The following MYB variants were observed in gnomAD, a reference collection of about 807,000 sequenced individuals.
MYB encodes the protein MYB proto-oncogene, transcription factor, also known as transcriptional activator Myb.
In MYB, 28 loss-of-function variants were observed where a neutral mutation model predicts 92.9. That is an observed-to-expected ratio of 0.30 (90% CI 0.22 to 0.41). The LOEUF is 0.41. Among genes scored for constraint, MYB ranks in the 10% least tolerant of loss-of-function variants. MYB has a pLI of 1.00. For synonymous variants in MYB, 295 were observed against 329.1 expected, an observed-to-expected ratio of 0.90 and a Z score of 1.12; for missense variants, 679 against 929.3, an observed-to-expected ratio of 0.73 and a Z score of 3.50.
intron 8 of MYB, chr6:135,195,350 G>T (rs1777159161): frequency 5.9e-6 from 1 of 169,284 alleles, no homozygotes; most frequent in Non-Finnish European, 1.2e-5. Context: ...TCTAACTCCT[G>T]AGTCCTCTAG....
rs1413856237 is a variant in MYB, at chr6:135,200,216, T to C, written c.1824+17T>C. 6.2e-7 allele frequency: 1 copy of C among 1,613,926 alleles called. No homozygotes were observed. Among genetic ancestry groups the C allele is most frequent in the South Asian group, 1.1e-5 (1 of 91,076 alleles). ...AAGATGCTAGTAAGTTCTAGAAAAG[T>C]TTTTGGATTTCATTGGTTTATTAGT... On this transcript the variant is annotated intron_variant, in intron 12 of 15. Coordinates refer to ENST00000341911, the MANE Select transcript of MYB (RefSeq NM_001130173.2).
At chr6:135,203,619 G>A in intron 15 of MYB, 1 of 943,178 alleles carries the variant, frequency 1.1e-6, no homozygotes, top group Non-Finnish European at 1.6e-6. Flanking sequence ...TTACACGTGT[G>A]TCACTATCTT....
At chr6:135,209,383 A>G (rs1416873667) in intron 15 of MYB, among the ~76,000 whole-genome samples, 1 of 152,084 alleles carries the variant, frequency 6.6e-6, no homozygotes, top group African/African-American at 2.4e-5. Flanking sequence ...ACAGGCACCC[A>G]CCACCACACT....
chr6:135,214,987 C>T (rs930687604), intron 15 of MYB, among the ~76,000 whole-genome samples: 2 of 152,166 alleles, frequency 1.3e-5, no homozygotes, highest in Non-Finnish European at 2.9e-5. Context: ...TTGAGATACT[C>T]AGTTCCTGGA....
At chr6:135,194,293 C>G in intron 7 of MYB, 63 bp from the exon 8 acceptor site, 1 of 1,248,130 alleles carries the variant, frequency 8.0e-7, no homozygotes, top group Non-Finnish European at 1.2e-6. Flanking sequence ...ATTGGCTACA[C>G]CCATTGTATT....
At chr6:135,192,622 C>A in intron 6 of MYB, 64 bp downstream of exon 6, 1 of 1,471,822 alleles carries the variant, frequency 6.8e-7, no homozygotes, top group South Asian at 1.1e-5. Flanking sequence ...AGGTAATAAT[C>A]ATACTTTGCA....
chr6:135,197,447 CGTT>C, intron 10 of MYB, 124 bp downstream of exon 10: 2 of 958,022 alleles, frequency 2.1e-6, no homozygotes, highest in Non-Finnish European at 3.1e-6. Context: ...TTCATTCTGT[CGTT>C]GAATCTAGCT....
rs11433082 is a variant in MYB at position 135,207,737 on chromosome 6, C to CTT, written c.2169+4427_2169+4428dup. On this transcript the variant is annotated intron_variant, in intron 15 of 15. Coordinates refer to ENST00000341911, the MANE Select transcript of MYB (RefSeq NM_001130173.2). ...TCATTTTGCCATATTTACCTCATCTCTTTTTTTTTTTTTTTGAGATGAAAT... is the reference window on the plus strand; with the variant it reads ...TCATTTTGCCATATTTACCTCATCTCTTTTTTTTTTTTTTTTTGAGATGAAAT... 2.3e-3 allele frequency among the ~76,000 whole-genome samples: 315 copies of CTT among 139,908 alleles called. 6 individuals are homozygous for CTT. Among genetic ancestry groups the CTT allele is most frequent in the African/African-American group, 5.2e-3 (195 of 37,826 alleles). The allele number at this position is 139,908 out of a possible 152,430, so 91.8% of individuals were successfully genotyped here. A position where few individuals can be genotyped will look rare whatever the true frequency, so the allele number is the denominator to read the frequency against.
In MYB at chr6:135,200,279, C is replaced by T. The variant is rs1346567421; in HGVS notation, c.1825-11C>T. 6.2e-7 allele frequency: 1 copy of T among 1,613,964 alleles called. No homozygotes were observed. Among genetic ancestry groups the T allele is most frequent in the African/African-American group, 1.3e-5 (1 of 74,976 alleles). ...TCTCTCTGATGCAAAAATACCCACTCTTCCGTTTAGCCTCAGACACCCTCT... is the reference window on the plus strand; with the variant it reads ...TCTCTCTGATGCAAAAATACCCACTTTTCCGTTTAGCCTCAGACACCCTCT... On this transcript the variant is annotated splice_polypyrimidine_tract_variant and intron_variant, in intron 12 of 15. Transcript: ENST00000341911.
Position 135,192,533 on chromosome 6 carries a change from A to G in MYB, c.737A>G (p.Tyr246Cys). The G allele has an allele frequency of 6.2e-7, 1 of 1,614,244 alleles. No homozygotes were observed. Among genetic ancestry groups the G allele is most frequent in the African/African-American group, 1.3e-5 (1 of 75,060 alleles). The change falls in exon 6 of 16, where the codon TAT becomes TGT. Residue 246 changes from tyrosine to cysteine, a missense_variant. Coordinates refer to ENST00000341911, the MANE Select transcript of MYB (RefSeq NM_001130173.2). The stretch of plus-strand genomic sequence containing the variant: ...CCCACTGTTAACAACGACTATTCCT[A>G]TTACCACATTTCTGAAGCACAAAAT... The part of the protein sequence containing the change: ...GQPTVNNDYS[Y>C]YHISEAQNVS...
chr6:135,193,268 C>A (rs1776862984), intron 6 of MYB, among the ~76,000 whole-genome samples: 2 of 152,140 alleles, frequency 1.3e-5, no homozygotes, highest in African/African-American at 4.8e-5. Flanking sequence ...TTAAGAATAA[C>A]AATATTAAAT....
At position 135,182,818 on chromosome 6, in the gene MYB, C is replaced by T. The variant is rs1775278637; in HGVS notation, c.23+1282C>T. Reference sequence around the variant, plus strand: ...GTGGGTGGAGACCCTGCAGCAGCACCCGCGGGCTGGGCTGGGCGGGGAGCA... The same window carrying T: ...GTGGGTGGAGACCCTGCAGCAGCACTCGCGGGCTGGGCTGGGCGGGGAGCA... On this transcript the variant is annotated intron_variant, in intron 1 of 15. Transcript: ENST00000341911. This position sits in a 1 kb window ranked among gnomAD's most constrained non-coding sequence, Gnocchi z 5.6. Among the ~76,000 whole-genome samples the T allele has an allele frequency of 6.6e-6, 1 of 152,094 alleles. No homozygotes were observed. Among genetic ancestry groups the T allele is most frequent in the Non-Finnish European group, 1.5e-5 (1 of 68,012 alleles).
At chr6:135,203,037 G>A (rs1217861187) in intron 14 of MYB, 180 bp from the exon 15 acceptor site, 4 of 699,324 alleles carry the variant, frequency 5.7e-6, no homozygotes, top group African/African-American at 1.8e-5. Flanking sequence ...TGGGATTAAG[G>A]TTCAGACATA....
chr6:135,198,915 A>C lies in MYB; in HGVS notation c.1574A>C (p.Asn525Thr). 1 of 1,605,284 alleles carries C rather than the reference A, an allele frequency of 6.2e-7. No homozygotes were observed. Among genetic ancestry groups the C allele is most frequent in the Non-Finnish European group, 8.5e-7 (1 of 1,173,814 alleles). The change falls in exon 11 of 16, where the codon AAC becomes ACC. Residue 525 changes from asparagine (N) to threonine (T), a missense_variant. This residue lies in a region of MYB where 402 missense variants were observed against 434.2 expected (regional missense o/e 0.93). Transcript: ENST00000341911. The stretch of plus-strand genomic sequence containing the variant: ...CTTTCTCTCCATATTTAGTTCTTAA[A>C]CACTTCCAGTAACCATGAAAACTCA... ...SLPFSPSQFL[N>T]TSSNHENSDL...
chr6:135,208,711 A>G (rs1042288184), intron 15 of MYB, among the ~76,000 whole-genome samples: 1 of 152,118 alleles, frequency 6.6e-6, no homozygotes, highest in Non-Finnish European at 1.5e-5. Context: ...TCCAACTAAT[A>G]TAACATTTTA....
In MYB at chr6:135,189,751, A is replaced by G. The variant is rs776021899; in HGVS notation, c.214-40A>G. The G allele has an allele frequency of 7.8e-6, 12 of 1,540,768 alleles. No individual in the cohort carries two copies. In the African/African-American group the frequency reaches 1.4e-4, roughly 18 times the overall value. ...ACAACAAAAAATTCACGTGCTTATC[A>G]CATCATATCTTTATGGTGGTGCATA... On this transcript the variant is annotated intron_variant, in intron 3 of 15. Transcript: ENST00000341911.
intron 15 of MYB, among the ~76,000 whole-genome samples, chr6:135,204,828 C>T (rs570842518): frequency 3.3e-5 from 5 of 152,218 alleles, no homozygotes; most frequent in African/African-American, 1.2e-4. Context: ...CACAAAGAGG[C>T]CAGACGCAGT....
chr6:135,212,413 T>G (rs1200430135), intron 15 of MYB, among the ~76,000 whole-genome samples: 1 of 152,114 alleles, frequency 6.6e-6, no homozygotes, highest in Non-Finnish European at 1.5e-5. Context: ...ATGTTCTAAA[T>G]GAAAATGTGA....
intron 15 of MYB, chr6:135,204,029 C>T (rs1778511187): frequency 2.6e-6 from 1 of 378,134 alleles, no homozygotes; most frequent in African/African-American, 2.2e-5. Flanking sequence ...AATACCCAGC[C>T]ACCTGCAGAG....
Sources: gnomAD v4.1 joint callset for allele counts (sites outside exome capture counted in the v4.1 genomes callset) on GRCh38, gnomAD v4.1.1 for gene constraint, gnomAD v4.1.1 regional missense constraint, Gnocchi (gnomAD v3.1) non-coding constraint, MANE v1.5 for transcripts, NCBI Gene and HGNC (gene_info 2026-07-23, HGNC 2026-07-21) for gene names.